The following KLF13 variants were observed in gnomAD, a reference collection of about 807,000 sequenced individuals.
The protein encoded by KLF13 is Krueppel-like factor 13.
A neutral mutation model predicts 16.7 loss-of-function variants in KLF13; 8 were observed. That is an observed-to-expected ratio of 0.48 (90% confidence interval 0.28 to 0.87). KLF13 has a LOEUF of 0.87. Ranked by LOEUF, KLF13 falls within the 40% of genes least tolerant of loss-of-function variation. KLF13 has a pLI of 0.10. For missense variants in KLF13, 447 were observed against 452.2 expected (o/e 0.99, Z 0.10); for synonymous variants, 245 against 208.4 (o/e 1.18, Z -1.51).
chr15:31,355,702 G>T (rs2039289131), intron 1 of KLF13, among the ~76,000 whole-genome samples: 1 of 152,116 alleles, frequency 6.6e-6, no homozygotes, highest in Non-Finnish European at 1.5e-5. Context: ...CCAGCATGCG[G>T]TATTTTGGGG....
At chr15:31,434,143 G>A (rs1382135400) in intron 1 of KLF13, among the ~76,000 whole-genome samples, 1 of 152,158 alleles carries the variant, frequency 6.6e-6, no homozygotes, top group East Asian at 1.9e-4. Context: ...TGCCAGGCTC[G>A]TTGCTTCGCG....
At chr15:31,334,455 C>G (rs1459016572) in intron 1 of KLF13, among the ~76,000 whole-genome samples, 2 of 151,280 alleles carry the variant, frequency 1.3e-5, no homozygotes, top group Admixed American at 6.6e-5. Flanking sequence ...GAGACGAAGT[C>G]TTGCTCTTGT....
chr15:31,402,828 G>A (rs1220350567), intron 2 of KLF13, among the ~76,000 whole-genome samples: 1 of 152,030 alleles, frequency 6.6e-6, no homozygotes, highest in Non-Finnish European at 1.5e-5. Flanking sequence ...AGCAGTATAT[G>A]GGTCTTATCG....
intron 1 of KLF13, among the ~76,000 whole-genome samples, chr15:31,413,933 C>A (rs1270865275): frequency 6.6e-6 from 1 of 152,122 alleles, no homozygotes; most frequent in African/African-American, 2.4e-5. Flanking sequence ...GAGCCTATAA[C>A]ATATATGTGA....
chr15:31,359,341 C>A (rs567806480), intron 1 of KLF13, among the ~76,000 whole-genome samples: 1 of 152,258 alleles, frequency 6.6e-6, no homozygotes, highest in East Asian at 1.9e-4. Context: ...TGTTTTGTAA[C>A]CCTTAGCAAA....
Position 31,365,576 on chromosome 15 carries a change from A to G in KLF13, c.578-6434A>G, listed in dbSNP as rs1595475302. Among the ~76,000 whole-genome samples the G allele has an allele frequency of 2.6e-5, 3 of 115,048 alleles. No individual in the cohort carries two copies. In the South Asian group the frequency reaches 9.0e-4, roughly 34 times the overall value. The allele number at this position is 115,048 out of a possible 152,430, so 75.5% of individuals were successfully genotyped here. On this transcript the variant is annotated intron_variant, in intron 1 of 1. Transcript: ENST00000307145. ...GAGGTTCGCAGACAGAAAGATCTGC[A>G]GTGTGGTTTATACAGGTGCAGCTGG...
intron 1 of KLF13, among the ~76,000 whole-genome samples, chr15:31,348,996 T>G (rs1036545260): frequency 1.3e-5 from 2 of 152,150 alleles, no homozygotes; most frequent in Non-Finnish European, 2.9e-5. Flanking sequence ...CATGACATTA[T>G]CACCTTCCAG....
chr15:31,339,007 A>C (rs748811036), intron 1 of KLF13, among the ~76,000 whole-genome samples: 13 of 152,190 alleles, frequency 8.5e-5, no homozygotes, highest in Middle Eastern at 3.4e-3. Flanking sequence ...CCTGGGAGAC[A>C]CTGTGGGGGA....
intron 1 of KLF13, among the ~76,000 whole-genome samples, chr15:31,360,684 A>T (rs559209764): frequency 6.6e-6 from 1 of 152,178 alleles, no homozygotes; most frequent in East Asian, 1.9e-4. Flanking sequence ...TTTCAGAAAA[A>T]ACAGACCGTT....
In KLF13 at chr15:31,372,002, G is replaced by A. The variant is rs780742709; in HGVS notation, c.578-8G>A. 1.4e-5 allele frequency: 22 copies of A among 1,596,248 alleles called. No individual in the cohort carries two copies. The highest frequency in any genetic ancestry group is 1.8e-5 in the Non-Finnish European group (21 of 1,171,978). On this transcript the variant is annotated splice_polypyrimidine_tract_variant and splice_region_variant and intron_variant, in intron 1 of 1. Transcript: ENST00000307145. ...GCGGATACTGATGCTCTGCCCCTGT[G>A]CCCACAGGTGAGAGGCCCTTCGCCT...
chr15:31,424,376 C>T (rs997266652), intron 1 of KLF13, among the ~76,000 whole-genome samples: 2 of 151,976 alleles, frequency 1.3e-5, no homozygotes, highest in Admixed American at 6.6e-5. Flanking sequence ...ACACCATGAC[C>T]AAGTGGGATT....
intron 1 of KLF13, among the ~76,000 whole-genome samples, chr15:31,433,742 G>A (rs894721839): frequency 2.0e-5 from 3 of 151,754 alleles, no homozygotes; most frequent in African/African-American, 4.9e-5. Context: ...TGAGCCCTTG[G>A]TCTGGAAGCA....
At chr15:31,328,110 G>A (rs2038753698) in intron 1 of KLF13, among the ~76,000 whole-genome samples, 1 of 150,108 alleles carries the variant, frequency 6.7e-6, no homozygotes, top group Non-Finnish European at 1.5e-5. Flanking sequence ...CGGCCGGGAG[G>A]CGGCGCGGGC....
At chr15:31,333,878 G>A (rs562834374) in intron 1 of KLF13, among the ~76,000 whole-genome samples, 12 of 152,274 alleles carry the variant, frequency 7.9e-5, no homozygotes, top group East Asian at 3.9e-4. Flanking sequence ...ATTGTTTCCC[G>A]TGATCAGGTC....
intron 1 of KLF13, among the ~76,000 whole-genome samples, chr15:31,423,101 GTATACGTA>G (rs2040350733): frequency 1.3e-5 from 1 of 77,114 alleles, no homozygotes; most frequent in South Asian, 5.1e-4. Context: ...GTATATATAC[GTATACGTA>G]TACGTATATA....
At chr15:31,362,797 G>A (rs950501676) in intron 1 of KLF13, among the ~76,000 whole-genome samples, 1 of 152,166 alleles carries the variant, frequency 6.6e-6, no homozygotes, top group Non-Finnish European at 1.5e-5. Flanking sequence ...CAAGGCGCAC[G>A]TAGATCCTTG....
intron 1 of KLF13, among the ~76,000 whole-genome samples, chr15:31,331,108 C>T (rs113293258): frequency 0.025 from 3,759 of 152,328 alleles, 76 homozygotes; most frequent in East Asian, 0.097. Flanking sequence ...GAATACATTT[C>T]TACCTATTTG....
rs973057762 is a variant in KLF13, at chr15:31,375,519, A to G, written c.*3220A>G. On this transcript the variant is annotated 3_prime_UTR_variant, in exon 2 of 2. Transcript: ENST00000307145. ...TTTGGGACTTCAGTTCTCGTGGTCC[A>G]TAGGGGCAGAGATGTCAAAGTGAAG... 2 of 152,254 alleles carry G rather than the reference A, an allele frequency of 1.3e-5. No individual in the cohort carries two copies. The highest frequency in any genetic ancestry group is 6.5e-5 in the Admixed American group (1 of 15,280). 9.4% of individuals were successfully genotyped at this position (152,254 alleles called of 1,614,324 possible). A position where few individuals can be genotyped will look rare whatever the true frequency, so the allele number is the denominator to read the frequency against.
At chr15:31,371,663 G>T (rs1466983388) in intron 1 of KLF13, among the ~76,000 whole-genome samples, 1 of 152,236 alleles carries the variant, frequency 6.6e-6, no homozygotes, top group Non-Finnish European at 1.5e-5. Flanking sequence ...GAGACCACTG[G>T]CCCGGCATGG....
Sources: allele counts gnomAD v4.1 joint callset (sites outside exome capture counted in the v4.1 genomes callset), GRCh38; gene constraint gnomAD v4.1.1; transcripts MANE v1.5; gene names NCBI Gene and HGNC (gene_info 2026-07-23, HGNC 2026-07-21).